Variants in DNAJC15 observed in about 807,000 individuals in gnomAD.
DNAJC15 encodes the protein dnaJ homolog subfamily C member 15.
A neutral mutation model predicts 22.4 loss-of-function variants in DNAJC15; 27 were observed. The ratio of observed to expected loss-of-function variants is 1.20; its 90% CI spans 0.89 to 1.66. The LOEUF is 1.66. Ranked by LOEUF, DNAJC15 falls within the 40% of genes most tolerant of loss-of-function variation. The pLI, the probability that DNAJC15 is intolerant of heterozygous loss-of-function variation, is 0.00. For synonymous variants in DNAJC15, 79 were observed against 63.2 expected, an observed-to-expected ratio of 1.25 and a Z score of -1.19; for missense variants, 208 against 187.1, an observed-to-expected ratio of 1.11 and a Z score of -0.65.
intron 4 of DNAJC15, 147 bp downstream of exon 4, chr13:43,078,835 C>CCTTTAT: frequency 1.7e-6 from 1 of 593,572 alleles, no homozygotes. Context: ...TTTAAAGCCT[C>CCTTTAT]AAATCTAAAA....
chr13:43,085,663 G>T, intron 4 of DNAJC15, 105 bp from the exon 5 acceptor site: 1 of 785,466 alleles, frequency 1.3e-6, no homozygotes. Flanking sequence ...TCCACAAGAT[G>T]GTGAAATTCT....
chr13:43,024,892 C>CCAAAAAAAAAAAAAA (rs1439745492), intron 1 of DNAJC15, among the ~76,000 whole-genome samples: 1 of 13,158 alleles, frequency 7.6e-5, no homozygotes, highest in African/African-American at 3.3e-4. Flanking sequence ...CCCATCTCTG[C>CCAAAAAAAAAAAAAA]TAAAAAAAAA....
At chr13:43,049,860 T>G (rs986230472) in intron 1 of DNAJC15, among the ~76,000 whole-genome samples, 3 of 152,186 alleles carry the variant, frequency 2.0e-5, no homozygotes, top group African/African-American at 7.2e-5. Flanking sequence ...TAGATAAATT[T>G]TTTTCTAGGA....
Position 43,111,156 on chromosome 13 carries a change from T to A in DNAJC15, c.*3908T>A, listed in dbSNP as rs1392164716. On this transcript the variant is annotated 3_prime_UTR_variant, in exon 6 of 6. Coordinates refer to ENST00000379221, the MANE Select transcript of DNAJC15 (RefSeq NM_013238.3). ...AAGTCAAAAGTGGAGGGAAGTTTAG[T>A]AAGGAAAAAATGTTGGGCTTGGAAT... The A allele has an allele frequency of 6.6e-6, 1 of 152,186 alleles. No homozygotes were observed. The highest frequency in any genetic ancestry group is 1.5e-5 in the Non-Finnish European group (1 of 68,016). 9.4% of individuals were successfully genotyped at this position (152,186 alleles called of 1,614,324 possible).
intron 1 of DNAJC15, among the ~76,000 whole-genome samples, chr13:43,024,894 A>T (rs979150996): frequency 5.6e-5 from 2 of 35,980 alleles, no homozygotes; most frequent in Non-Finnish European, 1.2e-4. Flanking sequence ...CATCTCTGCT[A>T]AAAAAAAAAA....
intron 5 of DNAJC15, among the ~76,000 whole-genome samples, chr13:43,102,180 A>C (rs1566218245): frequency 6.6e-6 from 1 of 152,056 alleles, no homozygotes; most frequent in Non-Finnish European, 1.5e-5. Context: ...CCTGATAATT[A>C]GTGATATTGA....
chr13:43,050,030 T>C (rs555899930), intron 1 of DNAJC15, among the ~76,000 whole-genome samples: 1 of 152,306 alleles, frequency 6.6e-6, no homozygotes, highest in South Asian at 2.1e-4. Flanking sequence ...GCAGTTCTCC[T>C]GCCTCAGCCT....
At chr13:43,074,964 G>C (rs74698217) in intron 3 of DNAJC15, among the ~76,000 whole-genome samples, 1 of 152,122 alleles carries the variant, frequency 6.6e-6, no homozygotes, top group Non-Finnish European at 1.5e-5. Context: ...CCAACTTTTT[G>C]TATCTGTGGT....
At chr13:43,038,604 A>G (rs1313503049) in intron 1 of DNAJC15, among the ~76,000 whole-genome samples, 1 of 152,152 alleles carries the variant, frequency 6.6e-6, no homozygotes, top group East Asian at 1.9e-4. Context: ...CATCCTGGCT[A>G]ACACAGTGAA....
At chr13:43,074,341 T>A (rs2040622707) in intron 3 of DNAJC15, among the ~76,000 whole-genome samples, 1 of 152,210 alleles carries the variant, frequency 6.6e-6, no homozygotes, top group South Asian at 2.1e-4. Context: ...ATGATTTTGA[T>A]TTCTGTCATT....
rs910513614 is a variant in DNAJC15, at chr13:43,107,764, G to A, written c.*516G>A. ...AATGTAATGGAATTTATTAAATGGT[G>A]TTTAGTAAAGTAGGGGTTAAGGACT... On this transcript the variant is annotated 3_prime_UTR_variant, in exon 6 of 6. Coordinates refer to ENST00000379221, the MANE Select transcript of DNAJC15 (RefSeq NM_013238.3). The A allele has an allele frequency of 2.0e-5, 3 of 152,138 alleles. No individual in the cohort carries two copies. Among genetic ancestry groups the A allele is most frequent in the African/African-American group, 7.2e-5 (3 of 41,420 alleles). The allele number at this position is 152,138 out of a possible 1,614,324, so 9.4% of individuals were successfully genotyped here.
chr13:43,028,378 T>C (rs1366756469), intron 1 of DNAJC15, among the ~76,000 whole-genome samples: 5 of 152,210 alleles, frequency 3.3e-5, no homozygotes, highest in African/African-American at 1.2e-4. Flanking sequence ...GTAATTTTTT[T>C]CATGGTATTC....
At chr13:43,040,360 A>AT (rs1169788970) in intron 1 of DNAJC15, among the ~76,000 whole-genome samples, 6 of 152,158 alleles carry the variant, frequency 3.9e-5, no homozygotes, top group African/African-American at 1.2e-4. Flanking sequence ...TGGCTTTGAA[A>AT]TTTTTGTCTC....
At chr13:43,085,886 T>C (rs183745861) in intron 5 of DNAJC15, 48 bp downstream of exon 5, 300 of 1,517,092 alleles carry the variant, frequency 2.0e-4, no homozygotes, top group Non-Finnish European at 2.1e-4. Flanking sequence ...AAATATGCTG[T>C]GAATTCCTTT....
At chr13:43,066,783 C>T (rs2040586172) in intron 2 of DNAJC15, among the ~76,000 whole-genome samples, 1 of 152,104 alleles carries the variant, frequency 6.6e-6, no homozygotes, top group Non-Finnish European at 1.5e-5. Context: ...CCACCATGCC[C>T]AGCTAATGTT....
intron 5 of DNAJC15, among the ~76,000 whole-genome samples, chr13:43,103,256 C>T (rs961585463): frequency 6.6e-6 from 1 of 152,128 alleles, no homozygotes; most frequent in Non-Finnish European, 1.5e-5. Context: ...GTTTCTGAAA[C>T]TCTGTGTTGG....
At chr13:43,024,893 T>TAAAAAATAAAAAAAAAAAAA (rs2040372668) in intron 1 of DNAJC15, among the ~76,000 whole-genome samples, 1 of 85,946 alleles carries the variant, frequency 1.2e-5, no homozygotes, top group Admixed American at 1.3e-4. Flanking sequence ...CCATCTCTGC[T>TAAAAAATAAAAAAAAAAAAA]AAAAAAAAAA....
At chr13:43,061,204 T>G (rs1349505657) in intron 1 of DNAJC15, among the ~76,000 whole-genome samples, 3 of 152,204 alleles carry the variant, frequency 2.0e-5, no homozygotes, top group African/African-American at 7.2e-5. Flanking sequence ...GATATTTTCC[T>G]TGGTCCAAGA....
In DNAJC15 at chr13:43,024,281, G is replaced by C. The variant is rs1435683648; in HGVS notation, c.108+547G>C. Among the ~76,000 whole-genome samples, 11 of 150,030 alleles carry C rather than the reference G, an allele frequency of 7.3e-5. No homozygotes were observed. The Admixed American group carries it at 7.3e-4, about 10-fold the overall frequency. On this transcript the variant is annotated intron_variant, in intron 1 of 5. Coordinates refer to ENST00000379221, the MANE Select transcript of DNAJC15 (RefSeq NM_013238.3). ...AACTGTAGAGCTGGAAAAAGGAAGG[G>C]TCTAACAGAAAACTGTCCAACAGAA...
Sources: allele counts gnomAD v4.1 joint callset (sites outside exome capture counted in the v4.1 genomes callset), GRCh38; gene constraint gnomAD v4.1.1; transcripts MANE v1.5; gene names NCBI Gene and HGNC (gene_info 2026-07-23, HGNC 2026-07-21).